Variants in ATP8A2 observed in about 807,000 individuals in gnomAD.
The protein encoded by ATP8A2 is phospholipid-transporting ATPase IB.
In ATP8A2, 100 loss-of-function variants were observed where a neutral mutation model predicts 165.6. The observed-to-expected ratio is 0.60, with a 90% CI of 0.51 to 0.71. The LOEUF is 0.71. ATP8A2 is among the 30% of genes least tolerant of loss of function. ATP8A2 has a pLI of 0.00. For synonymous variants in ATP8A2, 543 were observed against 548.8 expected (o/e 0.99, Z 0.15); for missense variants, 1,227 against 1,479.5 (o/e 0.83, Z 2.80).
chr13:25,855,124 G>A (rs1178428730), intron 30 of ATP8A2, among the ~76,000 whole-genome samples: 1 of 152,060 alleles, frequency 6.6e-6, no homozygotes, highest in African/African-American at 2.4e-5. Context: ...GGTGGCGCAT[G>A]CCTGTAATCC....
intron 24 of ATP8A2, among the ~76,000 whole-genome samples, chr13:25,696,446 G>A (rs534337855): frequency 6.6e-6 from 1 of 152,192 alleles, no homozygotes; most frequent in Non-Finnish European, 1.5e-5. Context: ...ATAGACGGCT[G>A]TTTCATCTAC....
At chr13:25,862,106 C>T (rs1425858025) in intron 32 of ATP8A2, among the ~76,000 whole-genome samples, 195 bp from the exon 33 acceptor site, 4 of 152,098 alleles carry the variant, frequency 2.6e-5, no homozygotes, top group African/African-American at 9.7e-5. Flanking sequence ...TGGGGCCATT[C>T]ATTACTTGAA....
Position 25,577,153 on chromosome 13 carries a change from A to G in ATP8A2, c.1782+15A>G. On this transcript the variant is annotated intron_variant, in intron 20 of 36. Transcript: ENST00000381655. ...GTAAAGGGGCTGTAAGTACCGGAGA[A>G]GCGTTGTGCGTAGCGGAGTTCTTGG... 1 of 1,612,026 alleles carries G rather than the reference A, an allele frequency of 6.2e-7. No homozygotes were observed. The highest frequency in any genetic ancestry group is 1.1e-5 in the South Asian group (1 of 90,998).
At chr13:25,549,659 C>G (rs1487205519) in intron 10 of ATP8A2, among the ~76,000 whole-genome samples, 2 of 152,020 alleles carry the variant, frequency 1.3e-5, no homozygotes, top group African/African-American at 4.8e-5. Context: ...GCTGTTATTA[C>G]TGTACTGGTT....
chr13:25,900,993 C>A (rs889437965), intron 33 of ATP8A2, among the ~76,000 whole-genome samples: 2 of 152,206 alleles, frequency 1.3e-5, no homozygotes, highest in African/African-American at 2.4e-5. Context: ...TTGTCTAAGG[C>A]TGCCTCATCT....
chr13:25,789,996 A>G (rs544168178), intron 27 of ATP8A2, among the ~76,000 whole-genome samples: 9 of 152,356 alleles, frequency 5.9e-5, no homozygotes, highest in Admixed American at 2.0e-4. Flanking sequence ...TATTCTATAA[A>G]TGGTGCTGGG....
intron 33 of ATP8A2, among the ~76,000 whole-genome samples, chr13:25,885,572 G>T (rs1395623355): frequency 6.6e-6 from 1 of 152,152 alleles, no homozygotes; most frequent in Non-Finnish European, 1.5e-5. Context: ...CTCATCTGCA[G>T]AGCCCCCGGG....
At position 25,839,700 on chromosome 13, in the gene ATP8A2, T is replaced by A; in HGVS notation, c.2956+76T>A. 7 of 1,243,412 alleles carry A rather than the reference T, an allele frequency of 5.6e-6. No homozygotes were observed. The South Asian group carries it at 8.5e-5, about 15-fold the overall frequency. The allele number at this position is 1,243,412 out of a possible 1,614,324, so 77.0% of individuals were successfully genotyped here. On this transcript the variant is annotated intron_variant, in intron 30 of 36. Coordinates refer to ENST00000381655, the MANE Select transcript of ATP8A2 (RefSeq NM_016529.6). Reference sequence around the variant, plus strand: ...GCTGCCTGTGTGTTCACAATTTTTTTTTCCAGTTCTGCAGAACAAGAGATC... The same window carrying A: ...GCTGCCTGTGTGTTCACAATTTTTTATTCCAGTTCTGCAGAACAAGAGATC...
intron 11 of ATP8A2, 41 bp from the exon 12 acceptor site, chr13:25,553,752 G>T (rs12853449): frequency 6.3e-7 from 1 of 1,585,804 alleles, no homozygotes; most frequent in Non-Finnish European, 8.6e-7. Context: ...AATAGACTTT[G>T]GTTGTGAACA....
rs1358746880 is a variant in ATP8A2, at chr13:25,589,656, C to T, written c.2168C>T (p.Ser723Leu). The change falls in exon 24 of 37, where the codon TCG becomes TTG. Residue 723 changes from serine to leucine, a missense_variant. Physicochemically the swap from Ser to Leu is moderately radical, Grantham distance 145. Transcript: ENST00000381655. ...INIGYSCRLV[S>L]QNMALILLKE... is the part of the protein sequence containing the mutation. ...TCAGGGTATTCCTGCCGATTGGTATCGCAGAATATGGCCCTTATCCTATTG... is the reference window on the plus strand; with the variant it reads ...TCAGGGTATTCCTGCCGATTGGTATTGCAGAATATGGCCCTTATCCTATTG... 5 of 1,611,866 alleles carry T rather than the reference C, an allele frequency of 3.1e-6. No homozygotes were observed. In the African/African-American group the frequency reaches 4.0e-5, roughly 13 times the overall value.
At chr13:25,468,724 C>T (rs1243474898) in intron 1 of ATP8A2, 3 of 576,964 alleles carry the variant, frequency 5.2e-6, no homozygotes, top group African/African-American at 2.0e-5. Flanking sequence ...TCTCCCGGGG[C>T]GGGGCTCGCT....
chr13:25,618,544 T>A (rs528795261), intron 24 of ATP8A2, among the ~76,000 whole-genome samples: 3 of 152,204 alleles, frequency 2.0e-5, no homozygotes, highest in South Asian at 2.1e-4. Context: ...ATGTTTAGGA[T>A]GCTTGAAAAC....
At chr13:25,897,309 T>C (rs1447028283) in intron 33 of ATP8A2, among the ~76,000 whole-genome samples, 2 of 152,222 alleles carry the variant, frequency 1.3e-5, no homozygotes, top group African/African-American at 4.8e-5. Flanking sequence ...TTTGGCTGGA[T>C]ATGAAATTCT....
At chr13:25,764,897 A>G (rs953755686) in intron 25 of ATP8A2, among the ~76,000 whole-genome samples, 8 of 152,204 alleles carry the variant, frequency 5.3e-5, no homozygotes. Context: ...TTTGACAACC[A>G]GGCAGGTAAG....
At chr13:25,662,841 C>G (rs1430206426) in intron 24 of ATP8A2, among the ~76,000 whole-genome samples, 1 of 152,174 alleles carries the variant, frequency 6.6e-6, no homozygotes, top group Non-Finnish European at 1.5e-5. Context: ...ATGCAGCATC[C>G]TTTTAGAATA....
chr13:25,613,619 T>G (rs561778336), intron 24 of ATP8A2, among the ~76,000 whole-genome samples: 24 of 152,230 alleles, frequency 1.6e-4, no homozygotes, highest in African/African-American at 5.8e-4. Flanking sequence ...AAGAAGTTCT[T>G]GTAGTGCTGG....
intron 23 of ATP8A2, among the ~76,000 whole-genome samples, chr13:25,583,127 A>G (rs1052058762): frequency 6.6e-6 from 1 of 152,222 alleles, no homozygotes; most frequent in Non-Finnish European, 1.5e-5. Context: ...TACAAACCCA[A>G]GCTTACAGCC....
intron 2 of ATP8A2, among the ~76,000 whole-genome samples, chr13:25,506,041 G>A (rs2037026688): frequency 6.6e-6 from 1 of 152,198 alleles, no homozygotes; most frequent in Non-Finnish European, 1.5e-5. Context: ...TCCCGACCAG[G>A]CTTTGGTTAT....
intron 1 of ATP8A2, among the ~76,000 whole-genome samples, chr13:25,407,351 A>G (rs1403484098): frequency 1.3e-5 from 2 of 152,156 alleles, no homozygotes; most frequent in Non-Finnish European, 2.9e-5. Context: ...CCCTATGAAG[A>G]CCCTTCCTCA....
Sources: gnomAD v4.1 joint callset for allele counts (sites outside exome capture counted in the v4.1 genomes callset) on GRCh38, gnomAD v4.1.1 for gene constraint, MANE v1.5 for transcripts, NCBI Gene and HGNC (gene_info 2026-07-23, HGNC 2026-07-21) for gene names.